Variants in VWC2 observed in about 807,000 individuals in gnomAD.
VWC2 encodes von Willebrand factor C domain containing 2, also known as brorin.
In VWC2, 14 loss-of-function variants were observed where a neutral mutation model predicts 29.8. That is an observed-to-expected ratio of 0.47 (90% CI 0.31 to 0.74). VWC2 has a LOEUF of 0.74. Among genes scored for constraint, VWC2 ranks in the 30% least tolerant of loss-of-function variants. The pLI is 0.05. For synonymous variants in VWC2, 213 were observed against 199.0 expected (o/e 1.07, Z -0.59); for missense variants, 457 against 459.8 (o/e 0.99, Z 0.05).
At chr7:49,841,927 C>T (rs116884427) in intron 3 of VWC2, among the ~76,000 whole-genome samples, 5,099 of 151,902 alleles carry the variant, frequency 0.034, 112 homozygotes, top group Middle Eastern at 0.061. Context: ...AGTGCAATGG[C>T]GTGATCTCAG....
At chr7:49,899,507 A>T (rs991151760) in intron 3 of VWC2, among the ~76,000 whole-genome samples, 1 of 152,166 alleles carries the variant, frequency 6.6e-6, no homozygotes, top group East Asian at 1.9e-4. Context: ...GACTAATCAA[A>T]ATAAAGGATA....
intron 3 of VWC2, among the ~76,000 whole-genome samples, chr7:49,898,313 G>GTT (rs540380787): frequency 3.4e-5 from 5 of 146,994 alleles, no homozygotes; most frequent in Admixed American, 2.7e-4. Flanking sequence ...AAACATCGAA[G>GTT]TTTTTTTTTT....
At chr7:49,855,140 C>T (rs148319402) in intron 3 of VWC2, among the ~76,000 whole-genome samples, 1 of 152,324 alleles carries the variant, frequency 6.6e-6, no homozygotes, top group Non-Finnish European at 1.5e-5. Flanking sequence ...GAAAGGCCTG[C>T]TCACATTAGT....
chr7:49,873,918 AC>A (rs1455257714), intron 3 of VWC2, among the ~76,000 whole-genome samples: 22 of 146,946 alleles, frequency 1.5e-4, no homozygotes, highest in African/African-American at 4.5e-4. Context: ...AAAAAAAAAA[AC>A]AACAAAAAAA....
At chr7:49,896,207 G>A (rs1220763091) in intron 3 of VWC2, among the ~76,000 whole-genome samples, 1 of 152,094 alleles carries the variant, frequency 6.6e-6, no homozygotes, top group Non-Finnish European at 1.5e-5. Context: ...CAGGTTTGGT[G>A]GTGCATGCCT....
At chr7:49,910,207 C>T (rs964254414) in intron 3 of VWC2, among the ~76,000 whole-genome samples, 2 of 152,254 alleles carry the variant, frequency 1.3e-5, no homozygotes, top group Non-Finnish European at 1.5e-5. Flanking sequence ...CATCCAGAAG[C>T]GGGGGCCCTC....
chr7:49,776,072 G>A lies in VWC2; in HGVS notation c.637G>A (p.Glu213Lys). Reference sequence around the variant, plus strand: ...GAGCCAGTGCTGCCCGCAGTGCAAGGAGAGGAAGAACTACTGCGAGTTCCG... The same window carrying A: ...GAGCCAGTGCTGCCCGCAGTGCAAGAAGAGGAAGAACTACTGCGAGTTCCG... ...DTSQCCPQCK[E>K]RKNYCEFRGK... Residue 213 changes from glutamate to lysine, a missense_variant, in exon 2 of 4, where the codon GAG (glutamate) becomes AAG (lysine). Physicochemically the swap from Glu to Lys is moderately conservative, Grantham distance 56. This residue lies in a region of VWC2 where 185 missense variants were observed against 257.1 expected (regional missense o/e 0.72). Transcript: ENST00000340652. 6.4e-7 allele frequency: 1 copy of A among 1,555,574 alleles called. No individual in the cohort carries two copies. The highest frequency in any genetic ancestry group is 8.6e-7 in the Non-Finnish European group (1 of 1,156,516).
chr7:49,877,835 C>T (rs1045248050), intron 3 of VWC2, among the ~76,000 whole-genome samples: 4 of 151,794 alleles, frequency 2.6e-5, no homozygotes, highest in African/African-American at 9.7e-5. Flanking sequence ...CTACTGCTAC[C>T]ATTTCCCCAC....
At chr7:49,824,605 G>T (rs1413520485) in intron 3 of VWC2, among the ~76,000 whole-genome samples, 1 of 152,008 alleles carries the variant, frequency 6.6e-6, no homozygotes, top group Admixed American at 6.5e-5. Context: ...TTTTGATTTT[G>T]GTTGAGTTTG....
At chr7:49,815,251 A>G (rs1290637878) in intron 3 of VWC2, among the ~76,000 whole-genome samples, 1 of 152,160 alleles carries the variant, frequency 6.6e-6, no homozygotes, top group African/African-American at 2.4e-5. Flanking sequence ...GTTTTACTTC[A>G]ATTATGATAA....
chr7:49,780,841 C>G (rs1042502089), intron 2 of VWC2, among the ~76,000 whole-genome samples: 2 of 152,174 alleles, frequency 1.3e-5, no homozygotes, highest in Non-Finnish European at 2.9e-5. Context: ...ACCAAATTCT[C>G]TCTGACTGCC....
At chr7:49,873,536 G>C (rs983948006) in intron 3 of VWC2, among the ~76,000 whole-genome samples, 2 of 152,182 alleles carry the variant, frequency 1.3e-5, no homozygotes, top group African/African-American at 4.8e-5. Flanking sequence ...CACAGCGGTT[G>C]GCTAGAGTGT....
At chr7:49,805,098 T>C (rs1156810473) in intron 3 of VWC2, among the ~76,000 whole-genome samples, 2 of 152,242 alleles carry the variant, frequency 1.3e-5, no homozygotes, top group African/African-American at 4.8e-5. Context: ...GATATAGTTA[T>C]ATTTTTGAGT....
chr7:49,838,874 C>G (rs1022777445), intron 3 of VWC2, among the ~76,000 whole-genome samples: 3 of 152,094 alleles, frequency 2.0e-5, no homozygotes, highest in Admixed American at 6.5e-5. Flanking sequence ...CCCAAAGTCA[C>G]ACAACTGTTA....
chr7:49,775,762 G>C lies in VWC2; in HGVS notation c.327G>C (p.Leu109=), dbSNP rs759181449. ...SQGGGAKAGD[L]QVRPRGDTPQ... ...GCGGGGGCGCCAAGGCCGGGGATCT[G>C]CAGGTCCGGCCCCGCGGGGACACCC... Residue 109 remains leucine, a synonymous_variant, in exon 2 of 4, where the codon CTG becomes CTC. Coordinates refer to ENST00000340652, the MANE Select transcript of VWC2 (RefSeq NM_198570.5). 1.1e-5 allele frequency: 17 copies of C among 1,515,400 alleles called. No individual in the cohort carries two copies. Among genetic ancestry groups the C allele is most frequent in the Non-Finnish European group, 1.5e-5 (17 of 1,133,970 alleles). 93.9% of individuals were successfully genotyped at this position (1,515,400 alleles called of 1,614,324 possible).
intron 3 of VWC2, among the ~76,000 whole-genome samples, chr7:49,892,037 T>C (rs1792156878): frequency 1.7e-5 from 2 of 118,500 alleles, no homozygotes; most frequent in Non-Finnish European, 3.6e-5. Context: ...GTAGATTTTT[T>C]TTTTTTTTTT....
intron 2 of VWC2, among the ~76,000 whole-genome samples, chr7:49,792,754 C>A (rs1416925011): frequency 6.6e-6 from 1 of 152,200 alleles, no homozygotes; most frequent in East Asian, 1.9e-4. Flanking sequence ...TGGAGGAGGC[C>A]AGATGTTGGA....
chr7:49,833,095 G>A (rs1336295828), intron 3 of VWC2, among the ~76,000 whole-genome samples: 1 of 152,144 alleles, frequency 6.6e-6, no homozygotes, highest in Non-Finnish European at 1.5e-5. Context: ...ACGTGCTGAT[G>A]CATTGCATTT....
intron 3 of VWC2, among the ~76,000 whole-genome samples, chr7:49,839,699 A>T (rs1407445468): frequency 6.6e-6 from 1 of 152,218 alleles, no homozygotes; most frequent in South Asian, 2.1e-4. Flanking sequence ...TGTTGGATCC[A>T]TGCAAGTGGG....
Sources: allele counts gnomAD v4.1 joint callset (sites outside exome capture counted in the v4.1 genomes callset), GRCh38; gene constraint gnomAD v4.1.1; regional missense constraint gnomAD v4.1.1; transcripts MANE v1.5; gene names NCBI Gene and HGNC (gene_info 2026-07-23, HGNC 2026-07-21).